GATAD2A: variants seen among roughly 807,000 people sequenced by gnomAD.
GATAD2A encodes transcriptional repressor p66-alpha.
Under a neutral mutation model 68.5 loss-of-function variants are expected in GATAD2A, and 12 were observed. That is an observed-to-expected ratio of 0.18 (90% CI 0.11 to 0.28). The LOEUF (loss-of-function observed/expected upper bound fraction) is 0.28, where lower values mean the gene tolerates loss of function less well. GATAD2A is among the 10% of genes least tolerant of loss of function. GATAD2A has a pLI of 1.00. For synonymous variants in GATAD2A, 410 were observed against 375.3 expected (o/e 1.09, Z -1.07); for missense variants, 755 against 868.5 (o/e 0.87, Z 1.64).
At chr19:19,403,061 CTG>C (rs2049913461), upstream of GATAD2A, among the ~76,000 whole-genome samples, 1 of 151,236 alleles carries the variant, frequency 6.6e-6, no homozygotes, top group Non-Finnish European at 1.5e-5. Context: ...ACGTGAGCCA[CTG>C]TGCCCTGCCA....
At chr19:19,451,821 A>G (rs1037694761) in intron 1 of GATAD2A, among the ~76,000 whole-genome samples, 1 of 152,226 alleles carries the variant, frequency 6.6e-6, no homozygotes, top group Non-Finnish European at 1.5e-5. Flanking sequence ...TCTTTTGTTC[A>G]GAATTAAATG....
At chr19:19,444,787 C>T (rs1293756692) in intron 1 of GATAD2A, among the ~76,000 whole-genome samples, 4 of 146,976 alleles carry the variant, frequency 2.7e-5, no homozygotes, top group African/African-American at 1.0e-4. Context: ...GGGAGGATTG[C>T]TTGAGCCCTG....
At chr19:19,496,468 T>A (rs2060157133) in intron 7 of GATAD2A, among the ~76,000 whole-genome samples, 1 of 152,190 alleles carries the variant, frequency 6.6e-6, no homozygotes, top group Non-Finnish European at 1.5e-5. Flanking sequence ...AGAGGGGCGA[T>A]GCACGGACCT....
chr19:19,390,287 C>G (rs1171844500), intron 1 of GATAD2A, among the ~76,000 whole-genome samples: 1 of 151,940 alleles, frequency 6.6e-6, no homozygotes, highest in South Asian at 2.1e-4. Context: ...GAGGTGCTTA[C>G]TAGATGGATG....
intron 4 of GATAD2A, among the ~76,000 whole-genome samples, chr19:19,493,491 GAGCCCGA>G (rs2059942068): frequency 6.6e-6 from 1 of 152,182 alleles, no homozygotes; most frequent in Non-Finnish European, 1.5e-5. Context: ...TTCTTCCCTG[GAGCCCGA>G]AGCTCGCTGT....
At chr19:19,423,800 T>C (rs1438078531) in intron 1 of GATAD2A, among the ~76,000 whole-genome samples, 2 of 152,154 alleles carry the variant, frequency 1.3e-5, no homozygotes, top group Non-Finnish European at 2.9e-5. Context: ...TGCCCTAAAC[T>C]GGACTTGGAG....
chr19:19,391,027 A>AG (rs560371286), intron 1 of GATAD2A, among the ~76,000 whole-genome samples: 134 of 152,092 alleles, frequency 8.8e-4, no homozygotes, highest in Non-Finnish European at 1.4e-3. Context: ...AGGCTGGGGC[A>AG]GGGGTCGGGG....
chr19:19,469,431 CAAAAAA>C (rs56310236), intron 2 of GATAD2A, among the ~76,000 whole-genome samples: 11 of 132,198 alleles, frequency 8.3e-5, no homozygotes, highest in African/African-American at 2.1e-4. Context: ...GACTCCATCT[CAAAAAA>C]AAAGAAAAAA....
At chr19:19,396,643 A>G (rs2049261640) in intron 1 of GATAD2A, among the ~76,000 whole-genome samples, 1 of 152,182 alleles carries the variant, frequency 6.6e-6, no homozygotes, top group South Asian at 2.1e-4. Flanking sequence ...TTGGCCTCTT[A>G]AAGTGCTGGG....
At position 19,478,444 on chromosome 19, in the gene GATAD2A, A is replaced by G. The variant is rs116991940; in HGVS notation, c.269+12830A>G. 3.4e-3 allele frequency among the ~76,000 whole-genome samples: 517 copies of G among 152,272 alleles called. 1 individual carries two copies. The highest frequency in any genetic ancestry group is 4.7e-3 in the Non-Finnish European group (318 of 68,014). On this transcript the variant is annotated intron_variant, in intron 2 of 11. Coordinates refer to ENST00000683918, the MANE Select transcript of GATAD2A (RefSeq NM_001384528.1). ...GGCAAATCCCCGTTGCTACAAAAAA[A>G]GTAGCTGGGTGTGGTGGCGCACTTC...
chr19:19,436,253 A>G (rs1473100151), intron 1 of GATAD2A: 1 of 1,143,640 alleles, frequency 8.7e-7, no homozygotes, highest in African/African-American at 1.6e-5. Context: ...TGTGGAAGGA[A>G]GGTTCCACGC....
At chr19:19,484,526 T>TTTTTC (rs1568326442) in intron 2 of GATAD2A, among the ~76,000 whole-genome samples, 1 of 146,884 alleles carries the variant, frequency 6.8e-6, no homozygotes, top group African/African-American at 2.5e-5. Context: ...TTCTTTTTTT[T>TTTTTC]TTTTTCTTTT....
chr19:19,463,554 C>T (rs971749790), intron 1 of GATAD2A, among the ~76,000 whole-genome samples: 4 of 152,062 alleles, frequency 2.6e-5, no homozygotes, highest in South Asian at 2.1e-4. Context: ...GGAGGCCGCA[C>T]AGTTGGTGTG....
At chr19:19,468,189 C>T (rs1363264607) in intron 2 of GATAD2A, among the ~76,000 whole-genome samples, 1 of 152,198 alleles carries the variant, frequency 6.6e-6, no homozygotes, top group Non-Finnish European at 1.5e-5. Flanking sequence ...ATTCCTATGC[C>T]CTCTCCCATC....
intron 1 of GATAD2A, among the ~76,000 whole-genome samples, chr19:19,408,897 C>T (rs2050599927): frequency 6.6e-6 from 1 of 152,000 alleles, no homozygotes; most frequent in Non-Finnish European, 1.5e-5. Context: ...GGGATTAAGG[C>T]AAGGGCTGGT....
At chr19:19,420,177 G>GTTTTTTT (rs71170684) in intron 1 of GATAD2A, among the ~76,000 whole-genome samples, 3 of 89,922 alleles carry the variant, frequency 3.3e-5, no homozygotes, top group Non-Finnish European at 6.4e-5. Flanking sequence ...TATCCAGCTA[G>GTTTTTTT]TTTTTTTTTT....
At chr19:19,426,675 A>T in intron 1 of GATAD2A, among the ~76,000 whole-genome samples, 1 of 151,928 alleles carries the variant, frequency 6.6e-6, no homozygotes, top group East Asian at 1.9e-4. Flanking sequence ...TACCCCTGGC[A>T]AATTTTTTTT....
chr19:19,476,437 T>C (rs2148181807), intron 2 of GATAD2A, among the ~76,000 whole-genome samples: 1 of 152,346 alleles, frequency 6.6e-6, no homozygotes, highest in South Asian at 2.1e-4. Context: ...TAGCGGGTTA[T>C]TTAAATGTCC....
chr19:19,501,015 C>A, intron 8 of GATAD2A, 103 bp from the exon 9 acceptor site: 1 of 1,027,478 alleles, frequency 9.7e-7, no homozygotes. Flanking sequence ...GCAGAACGGA[C>A]AGACTGTGGC....
Sources: allele counts gnomAD v4.1 joint callset (sites outside exome capture counted in the v4.1 genomes callset), GRCh38; gene constraint gnomAD v4.1.1; transcripts MANE v1.5; gene names NCBI Gene and HGNC (gene_info 2026-07-23, HGNC 2026-07-21).